RBFOX1: variants seen among roughly 807,000 people sequenced by gnomAD.
RBFOX1 encodes the protein RNA binding protein fox-1 homolog 1.
A neutral mutation model predicts 57.7 loss-of-function variants in RBFOX1; 8 were observed. That is an observed-to-expected ratio of 0.14 (90% CI 0.08 to 0.25). The LOEUF (loss-of-function observed/expected upper bound fraction) is 0.25, where lower values mean the gene tolerates loss of function less well. Ranked by LOEUF, RBFOX1 falls within the 10% of genes least tolerant of loss-of-function variation. RBFOX1 has a pLI of 1.00. For synonymous variants in RBFOX1, 326 were observed against 222.4 expected (o/e 1.47, Z -4.15); for missense variants, 611 against 548.5 (o/e 1.11, Z -1.14).
intron 4 of RBFOX1, among the ~76,000 whole-genome samples, chr16:7,508,521 G>A (rs1050115588): frequency 1.3e-5 from 2 of 152,114 alleles, no homozygotes; most frequent in Non-Finnish European, 2.9e-5. Flanking sequence ...TTAGAGAGGG[G>A]AGCTGACACA....
At chr16:7,457,649 C>A (rs954437133) in intron 4 of RBFOX1, among the ~76,000 whole-genome samples, 15 of 152,080 alleles carry the variant, frequency 9.9e-5, no homozygotes, top group Non-Finnish European at 4.4e-5. Context: ...GGTATCAAAT[C>A]CCCTTTGCTT....
At chr16:7,192,731 G>C (rs1473879347) in intron 4 of RBFOX1, among the ~76,000 whole-genome samples, 1 of 152,180 alleles carries the variant, frequency 6.6e-6, no homozygotes, top group African/African-American at 2.4e-5. Context: ...GACTGGGTGA[G>C]AGACCCAGGA....
intron 4 of RBFOX1, among the ~76,000 whole-genome samples, chr16:7,357,049 A>G (rs569464883): frequency 9.9e-5 from 15 of 152,280 alleles, no homozygotes; most frequent in Admixed American, 4.6e-4. Flanking sequence ...CCAGGGATCT[A>G]TCTGCCTTGG....
chr16:6,685,442 ATT>A (rs71145275), intron 3 of RBFOX1, among the ~76,000 whole-genome samples: 88 of 125,644 alleles, frequency 7.0e-4, no homozygotes, highest in Middle Eastern at 5.2e-3. Context: ...TACCCAGCTA[ATT>A]TTTTTTTTTT....
At chr16:7,126,810 T>C (rs1423575971) in intron 4 of RBFOX1, among the ~76,000 whole-genome samples, 1 of 151,840 alleles carries the variant, frequency 6.6e-6, no homozygotes, top group Non-Finnish European at 1.5e-5. Context: ...GATTTTCTTT[T>C]AGCCTGGCCA....
At chr16:5,707,208 C>G (rs2051284820) in intron 3 of RBFOX1, among the ~76,000 whole-genome samples, 1 of 152,176 alleles carries the variant, frequency 6.6e-6, no homozygotes, top group Non-Finnish European at 1.5e-5. Context: ...CTGTAACTAT[C>G]TCTAATTCAT....
At chr16:7,274,446 T>C (rs1235992550) in intron 4 of RBFOX1, among the ~76,000 whole-genome samples, 1 of 152,046 alleles carries the variant, frequency 6.6e-6, no homozygotes, top group African/African-American at 2.4e-5. Flanking sequence ...TACACAACTT[T>C]ATGCAAGCTT....
intron 4 of RBFOX1, among the ~76,000 whole-genome samples, chr16:7,236,237 G>A (rs1043582966): frequency 6.6e-6 from 1 of 152,158 alleles, no homozygotes; most frequent in Non-Finnish European, 1.5e-5. Flanking sequence ...GATCTGTAAA[G>A]GGAAGCCCAA....
At chr16:7,029,214 A>ATGTG (rs1310960742) in intron 3 of RBFOX1, among the ~76,000 whole-genome samples, 2 of 55,120 alleles carry the variant, frequency 3.6e-5, no homozygotes, top group Admixed American at 3.7e-4. Context: ...GTATACGTAT[A>ATGTG]TATATACACA....
chr16:6,611,418 A>T (rs1192650566), intron 2 of RBFOX1, among the ~76,000 whole-genome samples: 3 of 152,136 alleles, frequency 2.0e-5, no homozygotes, highest in Non-Finnish European at 4.4e-5. Flanking sequence ...AAGTGCTGGG[A>T]TGTCAGGCGT....
At chr16:7,303,110 T>TAGTCCAA (rs1272706409) in intron 4 of RBFOX1, among the ~76,000 whole-genome samples, 1 of 152,214 alleles carries the variant, frequency 6.6e-6, no homozygotes, top group Non-Finnish European at 1.5e-5. Flanking sequence ...GCTGGCACGT[T>TAGTCCAA]AGTCCAACAG....
intron 4 of RBFOX1, among the ~76,000 whole-genome samples, chr16:7,207,937 T>C (rs2090331579): frequency 6.6e-6 from 1 of 152,174 alleles, no homozygotes; most frequent in Non-Finnish European, 1.5e-5. Context: ...CTCTCAATCT[T>C]AGTCCTGGGG....
chr16:7,033,134 A>C (rs2043243194), intron 3 of RBFOX1, among the ~76,000 whole-genome samples: 1 of 152,148 alleles, frequency 6.6e-6, no homozygotes, highest in South Asian at 2.1e-4. Flanking sequence ...GGAAGAAGGA[A>C]AGTGCAGTAA....
chr16:7,508,891 A>G (rs944526456), intron 4 of RBFOX1, among the ~76,000 whole-genome samples: 1 of 152,236 alleles, frequency 6.6e-6, no homozygotes, highest in African/African-American at 2.4e-5. Context: ...AGCCTTGGTG[A>G]TAAGCAGCTA....
chr16:7,007,361 C>T (rs568809065), intron 3 of RBFOX1, among the ~76,000 whole-genome samples: 2 of 152,296 alleles, frequency 1.3e-5, no homozygotes, highest in Admixed American at 6.5e-5. Flanking sequence ...TACCTCATTG[C>T]AGCTGGAGAA....
chr16:5,894,432 C>G (rs1164071438), intron 4 of RBFOX1, among the ~76,000 whole-genome samples: 1 of 151,990 alleles, frequency 6.6e-6, no homozygotes, highest in Non-Finnish European at 1.5e-5. Context: ...TACCACTACA[C>G]CTGGCTAATT....
At chr16:5,958,598 T>A (rs2059691922) in intron 4 of RBFOX1, among the ~76,000 whole-genome samples, 1 of 152,228 alleles carries the variant, frequency 6.6e-6, no homozygotes, top group Admixed American at 6.5e-5. Context: ...GGTGTATTAC[T>A]TTCCTTTTCT....
intron 2 of RBFOX1, among the ~76,000 whole-genome samples, chr16:6,450,929 C>T (rs2094608271): frequency 1.5e-5 from 2 of 136,186 alleles, no homozygotes; most frequent in South Asian, 4.7e-4. Flanking sequence ...ATAACAGGAG[C>T]CACAAACTCA....
intron 9 of RBFOX1, among the ~76,000 whole-genome samples, chr16:7,598,894 T>C (rs2094857792): frequency 1.3e-5 from 2 of 152,216 alleles, no homozygotes; most frequent in African/African-American, 4.8e-5. Context: ...AACAATGATC[T>C]AGCAATGTAT....
Sources: gnomAD v4.1 joint callset for allele counts (sites outside exome capture counted in the v4.1 genomes callset) on GRCh38, gnomAD v4.1.1 for gene constraint, MANE v1.5 for transcripts, NCBI Gene and HGNC (gene_info 2026-07-23, HGNC 2026-07-21) for gene names.